The following ADGRL3 variants were observed in gnomAD, a reference collection of about 807,000 sequenced individuals.
The protein encoded by ADGRL3 is adhesion G protein-coupled receptor L3.
ADGRL3 carries 62 observed loss-of-function variants against 153.5 expected under a neutral mutation model. The ratio of observed to expected loss-of-function variants is 0.40; its 90% CI spans 0.33 to 0.50. ADGRL3 has a LOEUF of 0.50. Among genes scored for constraint, ADGRL3 ranks in the 20% least tolerant of loss-of-function variants. The pLI, the probability that ADGRL3 is intolerant of heterozygous loss-of-function variation, is 0.47. For missense variants in ADGRL3, 1,641 were observed against 1,859.4 expected, an observed-to-expected ratio of 0.88 and a Z score of 2.16; for synonymous variants, 710 against 672.5, an observed-to-expected ratio of 1.06 and a Z score of -0.86.
At chr4:61,894,974 A>G (rs575556326) in intron 10 of ADGRL3, among the ~76,000 whole-genome samples, 2 of 152,350 alleles carry the variant, frequency 1.3e-5, no homozygotes, top group East Asian at 1.9e-4. Flanking sequence ...TCCCCAGTCC[A>G]GTAGACCCCA....
intron 11 of ADGRL3, among the ~76,000 whole-genome samples, chr4:61,899,452 G>C (rs1191363591): frequency 6.6e-6 from 1 of 151,524 alleles, no homozygotes; most frequent in Non-Finnish European, 1.5e-5. Context: ...ATAGTTTTGT[G>C]AATTTCAAAC....
Position 61,708,185 on chromosome 4 carries a change from T to A in ADGRL3, c.584-22437T>A, listed in dbSNP as rs376241302. On this transcript the variant is annotated intron_variant, in intron 6 of 26. Coordinates refer to ENST00000683033, the MANE Select transcript of ADGRL3 (RefSeq NM_001387552.1). Reference sequence around the variant, plus strand: ...ATGAAAAGTATCATGTGAATTTATATTGGCTCTGGGAAAAAGTGGCCACTG... The same window carrying A: ...ATGAAAAGTATCATGTGAATTTATAATGGCTCTGGGAAAAAGTGGCCACTG... 2.0e-4 allele frequency among the ~76,000 whole-genome samples: 30 copies of A among 152,242 alleles called. No homozygotes were observed. In the South Asian group the frequency reaches 6.2e-3, roughly 32 times the overall value.
At chr4:61,835,604 G>T (rs989745572) in intron 9 of ADGRL3, among the ~76,000 whole-genome samples, 2 of 152,042 alleles carry the variant, frequency 1.3e-5, no homozygotes, top group Non-Finnish European at 2.9e-5. Context: ...CTTTGCCAAA[G>T]GTAACCTCTC....
intron 11 of ADGRL3, among the ~76,000 whole-genome samples, chr4:61,899,921 G>A (rs1221905544): frequency 2.0e-5 from 3 of 151,982 alleles, no homozygotes; most frequent in East Asian, 1.9e-4. Context: ...CCTTCCCAGC[G>A]GCCCCACCTC....
chr4:61,410,461 C>T (rs1344132941), intron 2 of ADGRL3, among the ~76,000 whole-genome samples: 1 of 151,908 alleles, frequency 6.6e-6, no homozygotes, highest in Non-Finnish European at 1.5e-5. Context: ...TAAGGATATT[C>T]TCTTATATAA....
intron 25 of ADGRL3, among the ~76,000 whole-genome samples, chr4:62,062,513 T>G (rs1457595858): frequency 6.6e-6 from 1 of 152,048 alleles, no homozygotes; most frequent in Non-Finnish European, 1.5e-5. Flanking sequence ...TTGCTTTCCT[T>G]TGTGACTTTT....
chr4:61,283,194 T>G (rs541833730), intron 1 of ADGRL3, among the ~76,000 whole-genome samples: 5 of 152,246 alleles, frequency 3.3e-5, no homozygotes, highest in African/African-American at 1.2e-4. Flanking sequence ...TATTACACAC[T>G]GCTTGTAATT....
intron 6 of ADGRL3, among the ~76,000 whole-genome samples, chr4:61,721,370 A>G (rs927632720): frequency 6.6e-6 from 1 of 152,178 alleles, no homozygotes; most frequent in African/African-American, 2.4e-5. Flanking sequence ...TGTAAGCCCA[A>G]GGGTCCAAAA....
chr4:61,387,177 AT>A (rs1251511249), intron 2 of ADGRL3, among the ~76,000 whole-genome samples: 1 of 152,162 alleles, frequency 6.6e-6, no homozygotes, highest in African/African-American at 2.4e-5. Flanking sequence ...GCAAGTTTTT[AT>A]TAGGGATTTT....
intron 1 of ADGRL3, among the ~76,000 whole-genome samples, chr4:61,369,597 A>G (rs2096480656): frequency 6.6e-6 from 1 of 152,078 alleles, no homozygotes; most frequent in South Asian, 2.1e-4. Context: ...ATCATGGTGG[A>G]TAAGCTTTTT....
chr4:61,483,033 C>A (rs2098148200), intron 2 of ADGRL3, among the ~76,000 whole-genome samples: 1 of 152,158 alleles, frequency 6.6e-6, no homozygotes, highest in African/African-American at 2.4e-5. Flanking sequence ...ATAGCATAGA[C>A]TCCCAGAGTA....
chr4:61,599,271 T>A (rs985193660), intron 5 of ADGRL3, among the ~76,000 whole-genome samples: 10 of 152,228 alleles, frequency 6.6e-5, no homozygotes, highest in Non-Finnish European at 1.5e-4. Context: ...TCATTCCTTC[T>A]GGGTATGAGG....
rs144672163 is a variant in ADGRL3, at chr4:61,260,888, A to G, written c.-240+59123A>G. ...CTATGGGCGTGTACCACCATGCCTAACTAATTTTTGTATTTTTTGTAGAGA... is the reference window on the plus strand; with the variant it reads ...CTATGGGCGTGTACCACCATGCCTAGCTAATTTTTGTATTTTTTGTAGAGA... On this transcript the variant is annotated intron_variant, in intron 1 of 26. Coordinates refer to ENST00000683033, the MANE Select transcript of ADGRL3 (RefSeq NM_001387552.1). 4.6e-5 allele frequency among the ~76,000 whole-genome samples: 7 copies of G among 151,978 alleles called. No individual in the cohort carries two copies. The East Asian group carries it at 1.4e-3, about 30-fold the overall frequency.
At chr4:61,558,196 G>A (rs1413350872) in intron 4 of ADGRL3, among the ~76,000 whole-genome samples, 6 of 85,138 alleles carry the variant, frequency 7.0e-5, no homozygotes, top group African/African-American at 1.1e-4. Flanking sequence ...ATATATATAT[G>A]ATTTACACTG....
At chr4:62,049,003 A>T (rs954127780) in intron 25 of ADGRL3, among the ~76,000 whole-genome samples, 1 of 152,086 alleles carries the variant, frequency 6.6e-6, no homozygotes, top group African/African-American at 2.4e-5. Context: ...ATTTTCTGAA[A>T]TTAGGCTTTA....
At chr4:61,469,732 C>T (rs767444898) in intron 2 of ADGRL3, among the ~76,000 whole-genome samples, 2 of 151,780 alleles carry the variant, frequency 1.3e-5, no homozygotes, top group East Asian at 1.9e-4. Flanking sequence ...TAGTTTACAG[C>T]GTAAGAATGT....
intron 25 of ADGRL3, among the ~76,000 whole-genome samples, chr4:62,061,575 G>A (rs761944006): frequency 2.0e-5 from 3 of 151,962 alleles, no homozygotes; most frequent in African/African-American, 4.8e-5. Context: ...CCACAAGGAT[G>A]CGTCATGTTG....
chr4:61,250,606 A>G (rs1758860882), intron 1 of ADGRL3, among the ~76,000 whole-genome samples: 1 of 152,174 alleles, frequency 6.6e-6, no homozygotes, highest in South Asian at 2.1e-4. Context: ...TCAGATGTGA[A>G]CCACTTCAAG....
rs573564270 is a variant in ADGRL3 at position 61,319,554 on chromosome 4, T to G, written c.-239-63570T>G. 3.9e-5 allele frequency among the ~76,000 whole-genome samples: 6 copies of G among 152,266 alleles called. No homozygotes were observed. In the South Asian group the frequency reaches 1.2e-3, roughly 32 times the overall value. On this transcript the variant is annotated intron_variant, in intron 1 of 26. Transcript: ENST00000683033. ...TGCAGTTGATGAGCAGATCTGAATA[T>G]GCAAAGCCTATTTAAAATCAATGGC...
Sources: gnomAD v4.1 joint callset for allele counts (sites outside exome capture counted in the v4.1 genomes callset) on GRCh38, gnomAD v4.1.1 for gene constraint, MANE v1.5 for transcripts, NCBI Gene and HGNC (gene_info 2026-07-23, HGNC 2026-07-21) for gene names.